CREBBP: variants seen among roughly 807,000 people sequenced by gnomAD.
CREBBP encodes the protein CREB-binding protein.
A neutral mutation model predicts 265.0 loss-of-function variants in CREBBP; 19 were observed. That is an observed-to-expected ratio of 0.07 (90% CI 0.05 to 0.11). The LOEUF is 0.11. Among genes scored for constraint, CREBBP ranks in the 10% least tolerant of loss-of-function variants. The pLI, the probability that CREBBP is intolerant of heterozygous loss-of-function variation, is 1.00. For missense variants in CREBBP, 2,525 were observed against 3,219.0 expected (o/e 0.78, Z 5.22); for synonymous variants, 1,457 against 1,223.7 (o/e 1.19, Z -3.98).
intron 1 of CREBBP, among the ~76,000 whole-genome samples, chr16:3,873,116 G>A (rs2055334152): frequency 6.6e-6 from 1 of 152,174 alleles, no homozygotes; most frequent in African/African-American, 2.4e-5. Flanking sequence ...TCAGAATCCT[G>A]TGTACACTGC....
intron 3 of CREBBP, among the ~76,000 whole-genome samples, chr16:3,796,275 C>T (rs1045685188): frequency 2.6e-5 from 4 of 152,108 alleles, no homozygotes; most frequent in Non-Finnish European, 5.9e-5. Context: ...ATTTCAGAGA[C>T]AAGGTCTTGC....
At chr16:3,778,893 G>T in intron 8 of CREBBP, 76 bp from the exon 9 acceptor site, 1 of 1,282,196 alleles carries the variant, frequency 7.8e-7, no homozygotes, top group Non-Finnish European at 1.1e-6. Flanking sequence ...TCGTCCAGGC[G>T]CGGTGGCTCA....
At position 3,871,822 on chromosome 16, in the gene CREBBP, C is replaced by T. The variant is rs543698819; in HGVS notation, c.85+8010G>A. Among the ~76,000 whole-genome samples, 8 of 152,220 alleles carry T rather than the reference C, an allele frequency of 5.3e-5. No individual in the cohort carries two copies. In the East Asian group the frequency reaches 1.2e-3, roughly 22 times the overall value. On this transcript the variant is annotated intron_variant, in intron 1 of 30. Transcript: ENST00000262367. ...CTCCTTACCACAGATTATGCAAATT[C>T]GAAAGGTTGAATTAGGTGCAACTGG...
In CREBBP at chr16:3,726,235, T is replaced by C; in HGVS notation, c.*1483A>G. 5.4e-6 allele frequency: 1 copy of C among 186,012 alleles called. No homozygotes were observed. Among genetic ancestry groups the C allele is most frequent in the African/African-American group, 2.9e-5 (1 of 34,910 alleles). The allele number at this position is 186,012 out of a possible 1,614,324, so 11.5% of individuals were successfully genotyped here. On this transcript the variant is annotated 3_prime_UTR_variant, in exon 31 of 31. Transcript: ENST00000262367. ...TCTCTGCCTCAGATTCTGGGAGTCG[T>C]GTACGGGGGGGGGGAGCCGCCTGAA...
chr16:3,728,929 T>C lies in CREBBP; in HGVS notation c.6118A>G (p.Ile2040Val), dbSNP rs1377963384. The C allele has an allele frequency of 6.2e-7, 1 of 1,604,088 alleles. No individual in the cohort carries two copies. Among genetic ancestry groups the C allele is most frequent in the African/African-American group, 1.3e-5 (1 of 74,824 alleles). The change falls in exon 31 of 31, where the codon ATA becomes GTA. Residue 2040 changes from isoleucine to valine, a missense_variant. Ile to Val is a conservative substitution (Grantham distance 29). This residue lies in a region of CREBBP where 275 missense variants were observed against 276.5 expected (regional missense o/e 0.99). Transcript: ENST00000262367. The surrounding 1 kb of genome is among the most constrained non-coding windows in gnomAD (Gnocchi z 8.7). ...QPMPGLPRPV[I>V]SMQAQAAVAG... is the part of the protein sequence containing the mutation. ...ACGGCCGCCTGGGCCTGCATGGATATCACAGGCCTGGGCAAGCCTGGCATG... is the reference window on the plus strand; with the variant it reads ...ACGGCCGCCTGGGCCTGCATGGATACCACAGGCCTGGGCAAGCCTGGCATG...
chr16:3,736,344 G>A, intron 27 of CREBBP, 141 bp from the exon 28 acceptor site: 2 of 910,734 alleles, frequency 2.2e-6, no homozygotes, highest in Non-Finnish European at 3.5e-6. Context: ...CCACAGTGCA[G>A]CAGACCCCCA....
In CREBBP at chr16:3,729,797, A is replaced by G. The variant is rs199524407; in HGVS notation, c.5250T>C (p.Asp1750=). ...HKMVKWGLGL[D]DEGSSQGEPQ... The stretch of plus-strand genomic sequence containing the variant: ...GCTCGCCCTGGCTGCTGCCCTCGTC[A>G]TCCAGGCCCAGCCCCCACTTCACCA... The change falls in exon 31 of 31, where the codon GAT becomes GAC. Residue 1750 remains aspartate, a synonymous_variant. Transcript: ENST00000262367. The G allele has an allele frequency of 3.1e-6, 5 of 1,605,850 alleles. No individual in the cohort carries two copies. In the East Asian group the frequency reaches 1.1e-4, roughly 36 times the overall value.
In CREBBP at chr16:3,852,761, T is replaced by C. The variant is rs554119303; in HGVS notation, c.86-1752A>G. 2.0e-5 allele frequency among the ~76,000 whole-genome samples: 3 copies of C among 152,308 alleles called. No homozygotes were observed. In the East Asian group the frequency reaches 5.8e-4, roughly 29 times the overall value. On this transcript the variant is annotated intron_variant, in intron 1 of 30. Coordinates refer to ENST00000262367, the MANE Select transcript of CREBBP (RefSeq NM_004380.3). ...AAAACACTAAACAAAATAATCCGTC[T>C]TTCCTGATAAGGAAACAAATGGGAA...
At chr16:3,757,741 T>C in intron 18 of CREBBP, 68 bp downstream of exon 18, 2 of 1,601,598 alleles carry the variant, frequency 1.2e-6, no homozygotes, top group Non-Finnish European at 1.7e-6. Flanking sequence ...TGGTCTCATA[T>C]TAGTATAACA....
intron 2 of CREBBP, among the ~76,000 whole-genome samples, chr16:3,818,850 A>T (rs1297471150): frequency 6.6e-6 from 1 of 152,240 alleles, no homozygotes; most frequent in Non-Finnish European, 1.5e-5. Context: ...AAATAAGACT[A>T]GCTAAAACCT....
chr16:3,876,853 T>C (rs1342654900), intron 1 of CREBBP, among the ~76,000 whole-genome samples: 1 of 152,206 alleles, frequency 6.6e-6, no homozygotes, highest in African/African-American at 2.4e-5. Flanking sequence ...TCAGTGGCAG[T>C]GACATTCATC....
intron 16 of CREBBP, among the ~76,000 whole-genome samples, chr16:3,765,161 A>G (rs899643875): frequency 6.6e-6 from 1 of 152,156 alleles, no homozygotes; most frequent in African/African-American, 2.4e-5. Context: ...TTTGTTTAGT[A>G]GAGACGGGGT....
chr16:3,879,131 T>C (rs2055464734), intron 1 of CREBBP, among the ~76,000 whole-genome samples: 2 of 152,166 alleles, frequency 1.3e-5, no homozygotes. Flanking sequence ...TTTGAAGTTA[T>C]ACATGGAAAT....
rs2053259833 is a variant in CREBBP, at chr16:3,780,913, T to C, written c.1677-35A>G. ...AAATAAAGACACTTCATCCATCTAC[T>C]GAAGTGACTCAAACACACTTTGTCT... On this transcript the variant is annotated intron_variant, in intron 7 of 30. Transcript: ENST00000262367. 8 of 1,611,574 alleles carry C rather than the reference T, an allele frequency of 5.0e-6. No homozygotes were observed. The East Asian group carries it at 1.8e-4, about 36-fold the overall frequency.
rs2054301294 is a variant in CREBBP at position 3,829,542 on chromosome 16, A to C, written c.799-18763T>G. Among the ~76,000 whole-genome samples the C allele has an allele frequency of 3.9e-5, 6 of 152,188 alleles. No individual in the cohort carries two copies. In the South Asian group the frequency reaches 1.2e-3, roughly 32 times the overall value. ...CAGTGCTAGAGACATAGAAGTTCTGATCAGTCGGAGTTTCAAGATCTTGCT... is the reference window on the plus strand; with the variant it reads ...CAGTGCTAGAGACATAGAAGTTCTGCTCAGTCGGAGTTTCAAGATCTTGCT... On this transcript the variant is annotated intron_variant, in intron 2 of 30. Coordinates refer to ENST00000262367, the MANE Select transcript of CREBBP (RefSeq NM_004380.3).
intron 2 of CREBBP, among the ~76,000 whole-genome samples, chr16:3,838,621 T>G (rs1339161723): frequency 6.6e-6 from 1 of 151,800 alleles, no homozygotes; most frequent in East Asian, 1.9e-4. Context: ...ACATCAGGAG[T>G]ATGTTTTCTT....
intron 20 of CREBBP, among the ~76,000 whole-genome samples, chr16:3,750,377 C>T (rs949168426): frequency 6.6e-6 from 1 of 152,222 alleles, no homozygotes; most frequent in Non-Finnish European, 1.5e-5. Context: ...AGTGCCTACA[C>T]TGCTGGAAGA....
intron 3 of CREBBP, among the ~76,000 whole-genome samples, chr16:3,805,971 C>G (rs1327134960): frequency 1.3e-5 from 2 of 152,202 alleles, no homozygotes; most frequent in African/African-American, 4.8e-5. Flanking sequence ...TGAAGTTTCA[C>G]AAGTTAAGAG....
intron 21 of CREBBP, among the ~76,000 whole-genome samples, chr16:3,747,872 G>A (rs1451107241): frequency 6.6e-6 from 1 of 151,986 alleles, no homozygotes; most frequent in Non-Finnish European, 1.5e-5. Flanking sequence ...GGTGGACCAC[G>A]AGGTCAGGAG....
Sources: allele counts gnomAD v4.1 joint callset (sites outside exome capture counted in the v4.1 genomes callset), GRCh38; gene constraint gnomAD v4.1.1; regional missense constraint gnomAD v4.1.1; non-coding constraint Gnocchi (gnomAD v3.1); transcripts MANE v1.5; gene names NCBI Gene and HGNC (gene_info 2026-07-23, HGNC 2026-07-21).